The following TCF7L2 variants were observed in gnomAD, a reference collection of about 807,000 sequenced individuals.
TCF7L2 encodes the protein transcription factor 7 like 2, also known as transcription factor 7-like 2.
Under a neutral mutation model 77.9 loss-of-function variants are expected in TCF7L2, and 23 were observed. The observed-to-expected ratio is 0.30, with a 90% CI of 0.21 to 0.42. The LOEUF (loss-of-function observed/expected upper bound fraction) is 0.42, where lower values mean the gene tolerates loss of function less well. TCF7L2 is among the 10% of genes least tolerant of loss of function. The pLI is 1.00. For missense variants in TCF7L2, 654 were observed against 793.1 expected (o/e 0.82, Z 2.11); for synonymous variants, 413 against 340.2 (o/e 1.21, Z -2.36).
At chr10:112,995,056 A>G (rs1281549010) in intron 4 of TCF7L2, among the ~76,000 whole-genome samples, 1 of 152,094 alleles carries the variant, frequency 6.6e-6, no homozygotes, top group South Asian at 2.1e-4. Flanking sequence ...AGCGGAGATC[A>G]TGCCATTGCA....
chr10:113,113,778 A>T (rs1051788343), intron 5 of TCF7L2, among the ~76,000 whole-genome samples: 1 of 152,182 alleles, frequency 6.6e-6, no homozygotes. Context: ...AAGGATTTCC[A>T]TGTTAGTTTT....
intron 5 of TCF7L2, among the ~76,000 whole-genome samples, chr10:113,073,846 C>T (rs1440487418): frequency 6.6e-6 from 1 of 152,246 alleles, no homozygotes; most frequent in African/African-American, 2.4e-5. Flanking sequence ...CCCATCCTTG[C>T]GGCCTGGACG....
At chr10:113,023,724 A>G (rs950161300) in intron 4 of TCF7L2, among the ~76,000 whole-genome samples, 3 of 151,846 alleles carry the variant, frequency 2.0e-5, no homozygotes, top group Admixed American at 2.0e-4. Context: ...GCTGGAGTGC[A>G]ATGGCGTGAT....
intron 13 of TCF7L2, among the ~76,000 whole-genome samples, chr10:113,164,760 T>C (rs538650103): frequency 2.7e-4 from 41 of 152,250 alleles, no homozygotes; most frequent in African/African-American, 9.9e-4. Context: ...GTTTCTTTTT[T>C]TTGTTTCGTT....
At chr10:112,973,704 C>T (rs556834409) in intron 4 of TCF7L2, among the ~76,000 whole-genome samples, 1 of 152,256 alleles carries the variant, frequency 6.6e-6, no homozygotes, top group South Asian at 2.1e-4. Flanking sequence ...GTTCGCCTGC[C>T]TCAGCCTCCC....
At chr10:113,052,558 G>A (rs75640198) in intron 5 of TCF7L2, among the ~76,000 whole-genome samples, 28 of 152,284 alleles carry the variant, frequency 1.8e-4, no homozygotes, top group Middle Eastern at 3.4e-3. Flanking sequence ...TTTTTCATCC[G>A]AACCCAGAAT....
At chr10:112,993,827 C>T (rs183238815) in intron 4 of TCF7L2, among the ~76,000 whole-genome samples, 3 of 152,164 alleles carry the variant, frequency 2.0e-5, no homozygotes, top group African/African-American at 4.8e-5. Flanking sequence ...GAGGCCAAGG[C>T]GGGCGGATCT....
chr10:113,069,800 G>A lies in TCF7L2; in HGVS notation c.552+29674G>A, dbSNP rs944632515. 1.2e-4 allele frequency among the ~76,000 whole-genome samples: 19 copies of A among 152,150 alleles called. 1 individual carries two copies. The highest frequency in any genetic ancestry group is 4.3e-4 in the African/African-American group (18 of 41,436). ...TGCTTGGTACAGTTGAGATCTGCAAGAGCTGATTCATCGGCCTGATTGAGA... is the reference window on the plus strand; with the variant it reads ...TGCTTGGTACAGTTGAGATCTGCAAAAGCTGATTCATCGGCCTGATTGAGA... On this transcript the variant is annotated intron_variant, in intron 5 of 13. Coordinates refer to ENST00000627217, the MANE Select transcript of TCF7L2 (RefSeq NM_001146274.2).
intron 5 of TCF7L2, among the ~76,000 whole-genome samples, chr10:113,065,901 C>T (rs78535460): frequency 0.016 from 2,362 of 152,196 alleles, 59 homozygotes; most frequent in African/African-American, 0.048. Flanking sequence ...TTGAAGTGTT[C>T]TGCAAGTAAG....
At chr10:113,041,536 G>A (rs961087585) in intron 5 of TCF7L2, among the ~76,000 whole-genome samples, 3 of 152,154 alleles carry the variant, frequency 2.0e-5, no homozygotes, top group Non-Finnish European at 4.4e-5. Flanking sequence ...GCCTTGTGAT[G>A]TCTTCTCTCC....
intron 5 of TCF7L2, among the ~76,000 whole-genome samples, chr10:113,063,894 GT>G (rs1220479787): frequency 3.4e-3 from 5 of 1,468 alleles, no homozygotes; most frequent in Non-Finnish European, 3.6e-3. Context: ...TGGATGTGGC[GT>G]GTGTGTGTGT....
At chr10:113,125,130 T>C (rs1408670207) in intron 5 of TCF7L2, among the ~76,000 whole-genome samples, 1 of 152,168 alleles carries the variant, frequency 6.6e-6, no homozygotes, top group Admixed American at 6.5e-5. Context: ...ATAGGAATTA[T>C]TTACTGTGCT....
chr10:113,072,781 G>A (rs1296774672), intron 5 of TCF7L2, among the ~76,000 whole-genome samples: 1 of 152,216 alleles, frequency 6.6e-6, no homozygotes. Flanking sequence ...GGGCTGTTGT[G>A]TATTGGTTCT....
At chr10:113,129,980 A>T (rs1489851349) in intron 5 of TCF7L2, 1 of 1,282,778 alleles carries the variant, frequency 7.8e-7, no homozygotes, top group Non-Finnish European at 1.0e-6. Context: ...CTCAATTTGA[A>T]TTGCTGGGTG....
In TCF7L2 at chr10:113,159,220, CTG is replaced by C. The variant is rs1167624765; in HGVS notation, c.1318+1154_1318+1155del. Among the ~76,000 whole-genome samples the C allele has an allele frequency of 5.3e-5, 8 of 152,120 alleles. No individual in the cohort carries two copies. The South Asian group carries it at 1.0e-3, about 20-fold the overall frequency. On this transcript the variant is annotated intron_variant, in intron 12 of 13. Coordinates refer to ENST00000627217, the MANE Select transcript of TCF7L2 (RefSeq NM_001146274.2). The stretch of plus-strand genomic sequence containing the variant: ...TGCAAGTCCACTAGCATTTTACTGA[CTG>C]TGCCTGCTTAAATGCTGCTATGAGC...
At chr10:113,163,702 G>A (rs1398036764) in intron 13 of TCF7L2, among the ~76,000 whole-genome samples, 1 of 152,054 alleles carries the variant, frequency 6.6e-6, no homozygotes, top group Admixed American at 6.5e-5. Flanking sequence ...GGGTGAGAGG[G>A]GGTGGTGCTT....
At chr10:113,033,897 C>T (rs952276555) in intron 4 of TCF7L2, among the ~76,000 whole-genome samples, 14 of 152,176 alleles carry the variant, frequency 9.2e-5, no homozygotes, top group African/African-American at 3.4e-4. Context: ...CACAGAGTTT[C>T]AGTGTTAGGT....
chr10:112,970,348 GC>G (rs1462348741), intron 4 of TCF7L2, among the ~76,000 whole-genome samples: 6 of 151,664 alleles, frequency 4.0e-5, no homozygotes, highest in African/African-American at 1.4e-4. Flanking sequence ...CTTTACCAAA[GC>G]CTAACCTTCT....
At chr10:113,124,132 A>AAAAGG (rs1290963801) in intron 5 of TCF7L2, among the ~76,000 whole-genome samples, 9 of 152,138 alleles carry the variant, frequency 5.9e-5, no homozygotes, top group African/African-American at 2.2e-4. Context: ...TTTTTTGGGC[A>AAAAGG]AAAGGGGAGG....
Sources: allele counts gnomAD v4.1 joint callset (sites outside exome capture counted in the v4.1 genomes callset), GRCh38; gene constraint gnomAD v4.1.1; transcripts MANE v1.5; gene names NCBI Gene and HGNC (gene_info 2026-07-23, HGNC 2026-07-21).